The following LRIG3 variants were observed in gnomAD, a reference collection of about 807,000 sequenced individuals.
The protein encoded by LRIG3 is leucine rich repeats and immunoglobulin like domains 3, also known as leucine-rich repeats and immunoglobulin-like domains protein 3.
A neutral mutation model predicts 114.5 loss-of-function variants in LRIG3; 76 were observed. That is an observed-to-expected ratio of 0.66 (90% CI 0.55 to 0.80). LRIG3 has a LOEUF of 0.80. LRIG3 is among the 30% of genes least tolerant of loss of function. The pLI is 0.00. For missense variants in LRIG3, 1,239 were observed against 1,382.8 expected (o/e 0.90, Z 1.65); for synonymous variants, 512 against 519.8 (o/e 0.98, Z 0.20).
At chr12:58,914,105 T>C in intron 2 of LRIG3, 49 bp from the exon 3 acceptor site, 1 of 1,573,232 alleles carries the variant, frequency 6.4e-7, no homozygotes, top group Non-Finnish European at 8.6e-7. Context: ...TTAGGTAATC[T>C]GTAATTCACA....
At chr12:58,907,908 AAGG>A (rs1459764716) in intron 3 of LRIG3, among the ~76,000 whole-genome samples, 1 of 152,106 alleles carries the variant, frequency 6.6e-6, no homozygotes, top group Non-Finnish European at 1.5e-5. Flanking sequence ...TGGACCCTGG[AAGG>A]AGATGTGTGA....
At chr12:58,873,958 T>C in intron 18 of LRIG3, 97 bp downstream of exon 18, 1 of 1,427,208 alleles carries the variant, frequency 7.0e-7, no homozygotes, top group South Asian at 1.3e-5. Flanking sequence ...AGAAACCATT[T>C]TTTACCAGTT....
intron 3 of LRIG3, among the ~76,000 whole-genome samples, chr12:58,898,139 C>T (rs1871709874): frequency 6.6e-6 from 1 of 152,186 alleles, no homozygotes; most frequent in African/African-American, 2.4e-5. Flanking sequence ...AAAGCGTAAA[C>T]ATAAAACTGT....
chr12:58,874,589 C>G lies in LRIG3; in HGVS notation c.2696-16G>C, dbSNP rs770712659. 1 of 1,613,070 alleles carries G rather than the reference C, an allele frequency of 6.2e-7. No individual in the cohort carries two copies. The highest frequency in any genetic ancestry group is 1.1e-5 in the South Asian group (1 of 90,788). ...TGGCAGGTCCCTTTGAAACAAAAAT[C>G]TTAGTCAATGATCCAATTATTCAAG... On this transcript the variant is annotated splice_polypyrimidine_tract_variant and intron_variant, in intron 16 of 18. Transcript: ENST00000320743.
chr12:58,872,412 A>T lies in LRIG3; in HGVS notation c.*160T>A. 1.4e-6 allele frequency: 1 copy of T among 716,530 alleles called. No homozygotes were observed. Among genetic ancestry groups the T allele is most frequent in the Non-Finnish European group, 2.0e-6 (1 of 501,740 alleles). 44.4% of individuals were successfully genotyped at this position (716,530 alleles called of 1,614,324 possible). Reference sequence around the variant, plus strand: ...TATGAGCATCATTCCCAGTATAAAAATTTTCATAACTTTTTGTAATTTTGG... The same window carrying T: ...TATGAGCATCATTCCCAGTATAAAATTTTTCATAACTTTTTGTAATTTTGG... On this transcript the variant is annotated 3_prime_UTR_variant, in exon 19 of 19. Coordinates refer to ENST00000320743, the MANE Select transcript of LRIG3 (RefSeq NM_153377.5).
At chr12:58,887,680 C>T (rs1871319289) in intron 8 of LRIG3, 109 bp downstream of exon 8, 1 of 1,138,192 alleles carries the variant, frequency 8.8e-7, no homozygotes, top group African/African-American at 1.5e-5. Flanking sequence ...GATACTACTT[C>T]TGAGGCTGTA....
At chr12:58,895,767 C>T (rs1808729074) in intron 3 of LRIG3, among the ~76,000 whole-genome samples, 1 of 152,134 alleles carries the variant, frequency 6.6e-6, no homozygotes, top group Admixed American at 6.5e-5. Flanking sequence ...CGCAAGGGCA[C>T]CAATCGGAGG....
At chr12:58,919,322 C>T in intron 1 of LRIG3, 1 of 1,490,666 alleles carries the variant, frequency 6.7e-7, no homozygotes. Flanking sequence ...TCTGGGCGTT[C>T]TGAGGAGCTA....
chr12:58,885,820 T>C lies in LRIG3; in HGVS notation c.1244+11A>G. 6.5e-7 allele frequency: 1 copy of C among 1,549,260 alleles called. No homozygotes were observed. The highest frequency in any genetic ancestry group is 8.8e-7 in the Non-Finnish European group (1 of 1,138,748). On this transcript the variant is annotated intron_variant, in intron 10 of 18. Transcript: ENST00000320743. ...ATTCTCTTTTAGGGTAACTAAATTC[T>C]AGCTACTCACAGATGCTCCAATGCA...
chr12:58,899,367 A>C (rs1304736864), intron 3 of LRIG3, among the ~76,000 whole-genome samples: 1 of 152,148 alleles, frequency 6.6e-6, no homozygotes, highest in African/African-American at 2.4e-5. Context: ...AATTCCAATT[A>C]GATAAGTGTT....
intron 12 of LRIG3, among the ~76,000 whole-genome samples, chr12:58,882,233 T>C (rs1343083687): frequency 6.6e-6 from 1 of 152,240 alleles, no homozygotes; most frequent in Non-Finnish European, 1.5e-5. Flanking sequence ...TGGCAGCTAA[T>C]AGTAAATGGC....
rs757144387 is a variant in LRIG3, at chr12:58,877,685, G to A, written c.2251C>T (p.Leu751Phe). Residue 751 changes from leucine (L) to phenylalanine (F), a missense_variant, in exon 15 of 19, where the codon CTT becomes TTT. Physicochemically the swap from Leu to Phe is conservative, Grantham distance 22. Coordinates refer to ENST00000320743, the MANE Select transcript of LRIG3 (RefSeq NM_153377.5). ...ERHFFAAGNQ[L>F]LIIVDSDVSD... is the part of the protein sequence containing the mutation. The stretch of plus-strand genomic sequence containing the variant: ...ACATCTGAGTCCACAATAATCAGAA[G>A]CTGATTGCCTGCTGCAAAAAAGTGC... 1 of 1,614,208 alleles carries A rather than the reference G, an allele frequency of 6.2e-7. No homozygotes were observed. Among genetic ancestry groups the A allele is most frequent in the Non-Finnish European group, 8.5e-7 (1 of 1,180,040 alleles).
At chr12:58,884,171 G>A (rs1871201206) in intron 10 of LRIG3, among the ~76,000 whole-genome samples, 1 of 152,270 alleles carries the variant, frequency 6.6e-6, no homozygotes, top group East Asian at 1.9e-4. Flanking sequence ...GTCACCCACA[G>A]CTCACTAACA....
rs1243163876 is a variant in LRIG3 at position 58,879,016 on chromosome 12, C to T, written c.1891G>A (p.Ala631Thr). Residue 631 changes from alanine to threonine, a missense_variant, in exon 14 of 19, where the codon GCC becomes ACC. Ala to Thr is a moderately conservative substitution (Grantham distance 58). Transcript: ENST00000320743. ...RLECAAVGHP[A>T]PQIAWQKDGG... Reference sequence around the variant, plus strand: ...TCCTTCTGCCAGGCTATCTGGGGGGCTGGGTGCCCCACAGCAGCACACTCC... The same window carrying T: ...TCCTTCTGCCAGGCTATCTGGGGGGTTGGGTGCCCCACAGCAGCACACTCC... The T allele has an allele frequency of 1.3e-5, 21 of 1,614,056 alleles. No individual in the cohort carries two copies. The highest frequency in any genetic ancestry group is 1.7e-5 in the Non-Finnish European group (20 of 1,180,034).
intron 18 of LRIG3, 26 bp downstream of exon 18, chr12:58,874,029 G>C (rs1220779076): frequency 1.2e-6 from 2 of 1,612,568 alleles, no homozygotes; most frequent in Non-Finnish European, 1.7e-6. Flanking sequence ...CCTCAGACGA[G>C]GTACCTGATA....
rs774884091 is a variant in LRIG3 at position 58,920,098 on chromosome 12, T to A, written c.138A>T (p.Pro46=). 3 of 1,553,756 alleles carry A rather than the reference T, an allele frequency of 1.9e-6. No individual in the cohort carries two copies. In the South Asian group the frequency reaches 3.6e-5, roughly 18 times the overall value. The change falls in exon 1 of 19, where the codon CCA becomes CCT. Residue 46 remains proline, a synonymous_variant. Coordinates refer to ENST00000320743, the MANE Select transcript of LRIG3 (RefSeq NM_153377.5). ...CGAGGCAGCGGCAGGTAGTGGGGCA[T>A]GGGCGCTCGGCGGCTACCCCAGAGG... The part of the protein sequence containing the change: ...GQPSGVAAER[P]CPTTCRCLGD...
In LRIG3 at chr12:58,889,829, G is replaced by A. The variant is rs75238777; in HGVS notation, c.659+167C>T. Among the ~76,000 whole-genome samples the A allele has an allele frequency of 5.1e-3, 771 of 152,214 alleles. 8 individuals are homozygous for A. Among genetic ancestry groups the A allele is most frequent in the African/African-American group, 0.018 (747 of 41,536 alleles). The stretch of plus-strand genomic sequence containing the variant: ...AGCTGGCACGAGGTGACGAGATGAT[G>A]TTTAAGGCTCTTTCCAATTTGGAGA... On this transcript the variant is annotated intron_variant, in intron 5 of 18. Transcript: ENST00000320743.
At chr12:58,873,854 T>C (rs1192819686) in intron 18 of LRIG3, 5 of 627,890 alleles carry the variant, frequency 8.0e-6, no homozygotes, top group Middle Eastern at 3.9e-4. Context: ...GGCTTAGTTA[T>C]AGATTAAACA....
chr12:58,890,992 T>C (rs950881778), intron 3 of LRIG3, among the ~76,000 whole-genome samples, 196 bp from the exon 4 acceptor site: 1 of 152,246 alleles, frequency 6.6e-6, no homozygotes, highest in Non-Finnish European at 1.5e-5. Context: ...TTCAAATATG[T>C]GGAAAACATT....
Sources: allele counts gnomAD v4.1 joint callset (sites outside exome capture counted in the v4.1 genomes callset), GRCh38; gene constraint gnomAD v4.1.1; transcripts MANE v1.5; gene names NCBI Gene and HGNC (gene_info 2026-07-23, HGNC 2026-07-21).